Variants in ENOX1 observed in about 807,000 individuals in gnomAD.
ENOX1 encodes the protein candidate growth-related and time keeping constitutive hydroquinone (NADH) oxidase.
ENOX1 carries 42 observed loss-of-function variants against 82.5 expected under a neutral mutation model. That is an observed-to-expected ratio of 0.51 (90% CI 0.40 to 0.66). The LOEUF (loss-of-function observed/expected upper bound fraction) is 0.66, where lower values mean the gene tolerates loss of function less well. Ranked by LOEUF, ENOX1 falls within the 30% of genes least tolerant of loss-of-function variation. ENOX1 has a pLI of 0.00. For missense variants in ENOX1, 608 were observed against 811.6 expected (o/e 0.75, Z 3.05); for synonymous variants, 271 against 282.2 (o/e 0.96, Z 0.40).
At chr13:43,657,926 C>A (rs2084522895) in intron 2 of ENOX1, among the ~76,000 whole-genome samples, 1 of 151,942 alleles carries the variant, frequency 6.6e-6, no homozygotes, top group Non-Finnish European at 1.5e-5. Context: ...ATTTGTCTAG[C>A]AAAGAAAAAA....
At chr13:43,566,387 G>A (rs552134639) in intron 2 of ENOX1, among the ~76,000 whole-genome samples, 2 of 151,912 alleles carry the variant, frequency 1.3e-5, no homozygotes, top group Non-Finnish European at 1.5e-5. Flanking sequence ...TAATTTTAAT[G>A]CAACCCATCA....
intron 3 of ENOX1, among the ~76,000 whole-genome samples, chr13:43,431,934 T>TG (rs2055694787): frequency 6.6e-6 from 1 of 152,138 alleles, no homozygotes; most frequent in Admixed American, 6.5e-5. Context: ...GCTGAACCAC[T>TG]ATTCCTCTGG....
chr13:43,591,869 T>G (rs1486472852), intron 2 of ENOX1, among the ~76,000 whole-genome samples: 3 of 152,024 alleles, frequency 2.0e-5, no homozygotes, highest in African/African-American at 7.3e-5. Context: ...GAGGTAACTT[T>G]TCCCATGGAA....
chr13:43,287,343 T>C (rs961614673), intron 12 of ENOX1, among the ~76,000 whole-genome samples: 2 of 152,164 alleles, frequency 1.3e-5, no homozygotes, highest in Non-Finnish European at 2.9e-5. Context: ...TCAACATCTT[T>C]TCATATTTTC....
intron 1 of ENOX1, among the ~76,000 whole-genome samples, chr13:43,730,219 TAAAGG>T (rs1270912438): frequency 1.3e-5 from 2 of 152,142 alleles, no homozygotes; most frequent in African/African-American, 4.8e-5. Flanking sequence ...GCAAAGAAAA[TAAAGG>T]AGAGGAAGAA....
intron 2 of ENOX1, among the ~76,000 whole-genome samples, chr13:43,526,104 T>C (rs892040482): frequency 1.3e-5 from 2 of 152,164 alleles, no homozygotes; most frequent in Non-Finnish European, 2.9e-5. Context: ...TTAAAGTTTT[T>C]TGAAGATTAT....
chr13:43,363,468 G>C (rs1467003997), intron 5 of ENOX1, among the ~76,000 whole-genome samples: 2 of 152,234 alleles, frequency 1.3e-5, no homozygotes, highest in East Asian at 3.9e-4. Flanking sequence ...CAATTCTAAA[G>C]AAGTTCCAGA....
chr13:43,537,517 T>C (rs2078515562), intron 2 of ENOX1, among the ~76,000 whole-genome samples: 1 of 152,234 alleles, frequency 6.6e-6, no homozygotes, highest in Non-Finnish European at 1.5e-5. Context: ...ATCCCCAGGA[T>C]GAAGTGGCTT....
chr13:43,753,111 C>T (rs1950410444), intron 1 of ENOX1, among the ~76,000 whole-genome samples: 1 of 152,152 alleles, frequency 6.6e-6, no homozygotes, highest in Non-Finnish European at 1.5e-5. Flanking sequence ...CCACCCACCT[C>T]AACCTCTCAA....
At chr13:43,428,818 G>C (rs924319931) in intron 3 of ENOX1, among the ~76,000 whole-genome samples, 5 of 152,080 alleles carry the variant, frequency 3.3e-5, no homozygotes, top group Admixed American at 3.3e-4. Flanking sequence ...TGTGGAGGTG[G>C]GTAAAGCCAC....
intron 15 of ENOX1, among the ~76,000 whole-genome samples, chr13:43,233,524 C>T (rs1399261122): frequency 1.3e-5 from 2 of 152,076 alleles, no homozygotes; most frequent in East Asian, 3.8e-4. Context: ...ACCCTTTTGC[C>T]CAGATAAATC....
At chr13:43,774,252 A>G (rs1951799044) in intron 1 of ENOX1, among the ~76,000 whole-genome samples, 2 of 152,246 alleles carry the variant, frequency 1.3e-5, no homozygotes. Context: ...ATCAAAGACT[A>G]GAATTCAGAA....
intron 5 of ENOX1, among the ~76,000 whole-genome samples, chr13:43,404,668 A>G (rs2053683784): frequency 6.6e-6 from 1 of 152,222 alleles, no homozygotes; most frequent in Admixed American, 6.5e-5. Context: ...TCTCCATAAG[A>G]GCATCACTGG....
chr13:43,779,436 T>C (rs868056757), intron 1 of ENOX1, among the ~76,000 whole-genome samples: 1 of 152,120 alleles, frequency 6.6e-6, no homozygotes, highest in South Asian at 2.1e-4. Context: ...CTGAGGCCAT[T>C]AACTGTGCTG....
At chr13:43,434,364 C>T (rs2055867709) in intron 3 of ENOX1, among the ~76,000 whole-genome samples, 1 of 152,186 alleles carries the variant, frequency 6.6e-6, no homozygotes, top group Non-Finnish European at 1.5e-5. Context: ...CTTCGGCCTT[C>T]CTTTCTGCCT....
chr13:43,601,974 A>C (rs2081743183), intron 2 of ENOX1, among the ~76,000 whole-genome samples: 1 of 152,182 alleles, frequency 6.6e-6, no homozygotes, highest in Non-Finnish European at 1.5e-5. Flanking sequence ...AATAGGAAGG[A>C]GAAATAAAGG....
At chr13:43,375,278 G>C (rs2051542942) in intron 5 of ENOX1, among the ~76,000 whole-genome samples, 1 of 152,058 alleles carries the variant, frequency 6.6e-6, no homozygotes, top group South Asian at 2.1e-4. Flanking sequence ...GAGTGAGAGA[G>C]AGAGAGATAG....
chr13:43,772,740 C>T (rs895663869), intron 1 of ENOX1, among the ~76,000 whole-genome samples: 27 of 109,392 alleles, frequency 2.5e-4, no homozygotes, highest in African/African-American at 1.1e-3. Flanking sequence ...CAGAGCAAGA[C>T]TCTGTCTTTA....
chr13:43,289,672 T>A (rs1348905685), intron 12 of ENOX1, among the ~76,000 whole-genome samples: 2 of 152,142 alleles, frequency 1.3e-5, no homozygotes, highest in Admixed American at 1.3e-4. Flanking sequence ...TTGGCAAAGA[T>A]TTTTTGGCTG....
Sources: gnomAD v4.1 joint callset for allele counts (sites outside exome capture counted in the v4.1 genomes callset) on GRCh38, gnomAD v4.1.1 for gene constraint, MANE v1.5 for transcripts, NCBI Gene and HGNC (gene_info 2026-07-23, HGNC 2026-07-21) for gene names.